The following DPYD variants were observed in gnomAD, a reference collection of about 807,000 sequenced individuals.
The protein encoded by DPYD is dihydropyrimidine dehydrogenase.
A neutral mutation model predicts 116.2 loss-of-function variants in DPYD; 109 were observed. The ratio of observed to expected loss-of-function variants is 0.94; its 90% CI spans 0.80 to 1.10. The LOEUF is 1.10. Among genes scored for constraint, DPYD ranks in the 50% least tolerant of loss-of-function variants. DPYD has a pLI of 0.00. For missense variants in DPYD, 1,302 were observed against 1,254.5 expected, an observed-to-expected ratio of 1.04 and a Z score of -0.57; for synonymous variants, 440 against 432.0, an observed-to-expected ratio of 1.02 and a Z score of -0.23.
intron 18 of DPYD, among the ~76,000 whole-genome samples, chr1:97,273,258 T>C (rs1355507170): frequency 6.6e-6 from 1 of 152,156 alleles, no homozygotes; most frequent in South Asian, 2.1e-4. Flanking sequence ...TGTTCAGGCC[T>C]TTCAAAATAT....
At chr1:97,158,447 G>T (rs181671470) in intron 20 of DPYD, among the ~76,000 whole-genome samples, 1 of 136,292 alleles carries the variant, frequency 7.3e-6, no homozygotes, top group Non-Finnish European at 1.6e-5. Flanking sequence ...ACCTCCTTTG[G>T]GCTTCTCCTG....
chr1:97,545,774 A>C (rs1396889599), intron 12 of DPYD: 2 of 1,557,908 alleles, frequency 1.3e-6, no homozygotes, highest in East Asian at 4.5e-5. Context: ...TCCCTAGAAA[A>C]CTGCATGAAG....
chr1:97,442,142 G>A (rs748098387), intron 14 of DPYD, among the ~76,000 whole-genome samples: 3 of 151,812 alleles, frequency 2.0e-5, no homozygotes, highest in Non-Finnish European at 4.4e-5. Flanking sequence ...GCAGGTCTCT[G>A]GAATTCTCTT....
rs551326887 is a variant in DPYD, at chr1:97,677,398, C to A, written c.850+1697G>T. 3.3e-5 allele frequency among the ~76,000 whole-genome samples: 5 copies of A among 150,976 alleles called. No homozygotes were observed. In the South Asian group the frequency reaches 1.1e-3, roughly 33 times the overall value. On this transcript the variant is annotated intron_variant, in intron 8 of 22. Coordinates refer to ENST00000370192, the MANE Select transcript of DPYD (RefSeq NM_000110.4). ...TTGATAACATTATTAGTATTGCAGACCTAAAGCCTGATGAAATTTTTCACT... is the reference window on the plus strand; with the variant it reads ...TTGATAACATTATTAGTATTGCAGAACTAAAGCCTGATGAAATTTTTCACT...
At chr1:97,483,659 TAA>T (rs1325445123) in intron 13 of DPYD, among the ~76,000 whole-genome samples, 1 of 152,026 alleles carries the variant, frequency 6.6e-6, no homozygotes, top group African/African-American at 2.4e-5. Flanking sequence ...AAAAAAAATT[TAA>T]AAAAAGAGAT....
At chr1:97,401,881 C>T (rs771312115) in intron 14 of DPYD, among the ~76,000 whole-genome samples, 2 of 152,046 alleles carry the variant, frequency 1.3e-5, no homozygotes, top group Non-Finnish European at 2.9e-5. Flanking sequence ...TGGTAAATTA[C>T]TATGTATTCT....
chr1:97,688,892 T>C (rs1419599372), intron 7 of DPYD, among the ~76,000 whole-genome samples: 1 of 151,876 alleles, frequency 6.6e-6, no homozygotes, highest in Admixed American at 6.6e-5. Flanking sequence ...ATTAGTATAA[T>C]TCAACATATA....
At chr1:97,194,430 C>A (rs142694932) in intron 19 of DPYD, among the ~76,000 whole-genome samples, 1 of 152,094 alleles carries the variant, frequency 6.6e-6, no homozygotes, top group Non-Finnish European at 1.5e-5. Flanking sequence ...GAGGCCTCCC[C>A]CAGAAATGTT....
At chr1:97,128,621 G>A (rs1653033323) in intron 20 of DPYD, among the ~76,000 whole-genome samples, 1 of 152,124 alleles carries the variant, frequency 6.6e-6, no homozygotes, top group Non-Finnish European at 1.5e-5. Flanking sequence ...GGAAGAAAAT[G>A]TAAAATGCTC....
At chr1:97,480,787 C>G (rs762930459) in intron 13 of DPYD, among the ~76,000 whole-genome samples, 2 of 152,090 alleles carry the variant, frequency 1.3e-5, no homozygotes, top group Non-Finnish European at 2.9e-5. Flanking sequence ...TCAAGACCAG[C>G]CTGGCCAACA....
Position 97,163,375 on chromosome 1 carries a change from C to T in DPYD, c.2622+29694G>A, listed in dbSNP as rs1656072138. On this transcript the variant is annotated intron_variant, in intron 20 of 22. Coordinates refer to ENST00000370192, the MANE Select transcript of DPYD (RefSeq NM_000110.4). ...GTTTAAACTATATGTAGTTGAGGTGCTTTTCCAAATGGAAAGAAAACAATC... is the reference window on the plus strand; with the variant it reads ...GTTTAAACTATATGTAGTTGAGGTGTTTTTCCAAATGGAAAGAAAACAATC... Among the ~76,000 whole-genome samples the T allele has an allele frequency of 2.0e-5, 3 of 152,180 alleles. No individual in the cohort carries two copies. The South Asian group carries it at 6.2e-4, about 32-fold the overall frequency.
intron 21 of DPYD, among the ~76,000 whole-genome samples, chr1:97,096,632 ACT>A (rs1650266648): frequency 6.6e-6 from 1 of 152,086 alleles, no homozygotes; most frequent in African/African-American, 2.4e-5. Context: ...ACCAATCAGC[ACT>A]CTGTAAAATG....
At chr1:97,153,267 A>G (rs1199535748) in intron 20 of DPYD, among the ~76,000 whole-genome samples, 1 of 152,158 alleles carries the variant, frequency 6.6e-6, no homozygotes, top group Non-Finnish European at 1.5e-5. Flanking sequence ...GGGGAAAAAG[A>G]GAATAACAGC....
chr1:97,628,931 C>T (rs1657095260), intron 8 of DPYD, among the ~76,000 whole-genome samples: 2 of 151,938 alleles, frequency 1.3e-5, no homozygotes, highest in Non-Finnish European at 1.5e-5. Context: ...GAGTTCAAAT[C>T]CCAGCCTCTA....
intron 20 of DPYD, among the ~76,000 whole-genome samples, chr1:97,107,550 G>C (rs181049667): frequency 6.6e-6 from 1 of 151,974 alleles, no homozygotes. Context: ...TCACCTTCAC[G>C]AATATATCAG....
intron 20 of DPYD, among the ~76,000 whole-genome samples, chr1:97,120,012 C>A (rs1652301732): frequency 6.6e-6 from 1 of 152,160 alleles, no homozygotes; most frequent in South Asian, 2.1e-4. Context: ...CTGCCCTCTG[C>A]AGAGGGAGAG....
intron 8 of DPYD, among the ~76,000 whole-genome samples, chr1:97,603,677 G>A (rs1033226048): frequency 6.6e-6 from 1 of 152,102 alleles, no homozygotes; most frequent in African/African-American, 2.4e-5. Context: ...CTTTCTGGAA[G>A]GCGTTTTTAA....
At chr1:97,891,818 T>G (rs1036865943) in intron 1 of DPYD, among the ~76,000 whole-genome samples, 5 of 151,894 alleles carry the variant, frequency 3.3e-5, no homozygotes, top group African/African-American at 1.2e-4. Flanking sequence ...TATATCACAA[T>G]AGTAATTATC....
intron 12 of DPYD, among the ~76,000 whole-genome samples, chr1:97,522,774 C>T (rs1261864326): frequency 1.3e-5 from 2 of 151,880 alleles, no homozygotes; most frequent in Non-Finnish European, 2.9e-5. Context: ...CAATTCTTTC[C>T]TCTGTAGAGA....
Sources: gnomAD v4.1 joint callset for allele counts (sites outside exome capture counted in the v4.1 genomes callset) on GRCh38, gnomAD v4.1.1 for gene constraint, MANE v1.5 for transcripts, NCBI Gene and HGNC (gene_info 2026-07-23, HGNC 2026-07-21) for gene names.